HERC2: variants seen among roughly 807,000 people sequenced by gnomAD.
HERC2 encodes E3 ubiquitin-protein ligase HERC2.
HERC2 carries 102 observed loss-of-function variants against 537.7 expected under a neutral mutation model. The observed-to-expected ratio is 0.19, with a 90% CI of 0.16 to 0.22. HERC2 has a LOEUF of 0.22. HERC2 is among the 10% of genes least tolerant of loss of function. The pLI is 1.00. For synonymous variants in HERC2, 2,224 were observed against 2,466.2 expected (o/e 0.90, Z 2.91); for missense variants, 4,236 against 6,198.2 (o/e 0.68, Z 10.63).
chr15:28,191,100 A>G (rs763058926), intron 54 of HERC2, 39 bp downstream of exon 54: 43 of 1,593,906 alleles, frequency 2.7e-5, no homozygotes, highest in Non-Finnish European at 3.7e-5. Flanking sequence ...CGTCTTTATT[A>G]TAGAAGGTAC....
Position 28,130,185 on chromosome 15 carries a change from G to A in HERC2, c.12780C>T (p.His4260=). ...TACCATCCTCTGTGCAGCACACACA[G>A]TGCAGGGAGCCAGTGGCGATGGCGA... The part of the protein sequence containing the change: ...KVIAIATGSL[H]CVCCTEDGEV... Residue 4260 remains histidine (H), a synonymous_variant, in exon 83 of 93, where the codon CAC becomes CAT. Coordinates refer to ENST00000261609, the MANE Select transcript of HERC2 (RefSeq NM_004667.6). 3.7e-6 allele frequency: 6 copies of A among 1,614,142 alleles called. No individual in the cohort carries two copies. In the Middle Eastern group the frequency reaches 6.6e-4, roughly 178 times the overall value.
chr15:28,125,334 C>T, intron 83 of HERC2, 141 bp from the exon 84 acceptor site: 1 of 695,112 alleles, frequency 1.4e-6, no homozygotes, highest in Non-Finnish European at 2.6e-6. Context: ...TTACATATGA[C>T]CTAGACATGA....
At chr15:28,164,353 C>T (rs959094122) in intron 68 of HERC2, among the ~76,000 whole-genome samples, 12 of 152,198 alleles carry the variant, frequency 7.9e-5, no homozygotes, top group African/African-American at 2.9e-4. Context: ...GATTTAGGAA[C>T]AAGGTTCCTC....
At chr15:28,174,315 G>T in intron 65 of HERC2, 80 bp downstream of exon 65, 1 of 1,034,644 alleles carries the variant, frequency 9.7e-7, no homozygotes, top group Non-Finnish European at 1.4e-6. Context: ...ACCTCTAATT[G>T]TGTTGGCACA....
intron 8 of HERC2, 85 bp downstream of exon 8, chr15:28,272,809 C>T (rs528819609): frequency 1.8e-5 from 16 of 872,392 alleles, no homozygotes; most frequent in East Asian, 1.5e-4. Flanking sequence ...CGGTCACAAA[C>T]GATTCAGTGA....
rs568894816 is a variant in HERC2, at chr15:28,128,308, G to A, written c.12802+1855C>T. Among the ~76,000 whole-genome samples the A allele has an allele frequency of 2.0e-5, 3 of 152,304 alleles. No homozygotes were observed. The East Asian group carries it at 5.8e-4, about 29-fold the overall frequency. On this transcript the variant is annotated intron_variant, in intron 83 of 92. Transcript: ENST00000261609. ...GTGGGGGAGTGTGAACTGGCTGGCAGGACGAGCCTCCCTGTTTGTGGGAAA... is the reference window on the plus strand; with the variant it reads ...GTGGGGGAGTGTGAACTGGCTGGCAAGACGAGCCTCCCTGTTTGTGGGAAA...
At position 28,299,453 on chromosome 15, in the gene HERC2, C is replaced by G. The variant is rs75131382; in HGVS notation, c.136G>C (p.Val46Leu). The G allele has an allele frequency of 3.1e-4, 489 of 1,599,370 alleles. 1 individual carries two copies. In the African/African-American group the frequency reaches 6.1e-3, roughly 20 times the overall value. ...TGGGTTGATTCTGTTCCAGTGTATA[C>G]AATTTCTCCATCTTTAACCATTTCA... ...WNEMVKDGEI[V>L]YTGTESTQNG... The change falls in exon 3 of 93, where the codon GTA becomes CTA. Residue 46 changes from valine to leucine, a missense_variant. By Grantham distance (32) the Val-to-Leu change is conservative. Around this residue, in one of 27 missense-constraint regions of HERC2, gnomAD observed 491 missense variants for 559.3 expected, o/e 0.88. Coordinates refer to ENST00000261609, the MANE Select transcript of HERC2 (RefSeq NM_004667.6).
chr15:28,260,792 G>A lies in HERC2; in HGVS notation c.2301C>T (p.Ala767=), dbSNP rs1483524563. ...GLDTKHIVGI[A]CGPAQSFAWS... is the part of the protein sequence containing the mutation. The stretch of plus-strand genomic sequence containing the variant: ...TATTCAGTACCTGGGCAGGCCCACA[G>A]GCAATTCCCACTATGTGTTTGGTGT... Residue 767 remains alanine (A), a synonymous_variant, in exon 16 of 93, where the codon GCC becomes GCT. Transcript: ENST00000261609. The A allele has an allele frequency of 6.2e-7, 1 of 1,613,992 alleles. No individual in the cohort carries two copies. The highest frequency in any genetic ancestry group is 8.5e-7 in the Non-Finnish European group (1 of 1,179,978).
intron 2 of HERC2, among the ~76,000 whole-genome samples, chr15:28,312,373 C>T (rs377647927): frequency 0.013 from 2,022 of 151,344 alleles, 4 homozygotes; most frequent in South Asian, 0.089. Flanking sequence ...GTGGCCCACG[C>T]CGTAATCCCA....
chr15:28,256,092 C>A lies in HERC2; in HGVS notation c.2743G>T (p.Ala915Ser), dbSNP rs550587588. ...ARALSALLPC[A>S]VSGNEVNISP... The stretch of plus-strand genomic sequence containing the variant: ...CCTGTTCCTTCCCCAGGCCCACCTG[C>A]GCAGGGCAGGAGAGCAGAGAGTGCC... The change falls in exon 18 of 93, where the codon GCA (alanine) becomes TCA (serine). Residue 915 changes from alanine (A) to serine (S), a missense_variant. Coordinates refer to ENST00000261609, the MANE Select transcript of HERC2 (RefSeq NM_004667.6). 1.7e-5 allele frequency: 28 copies of A among 1,603,410 alleles called. No homozygotes were observed. Among genetic ancestry groups the A allele is most frequent in the Non-Finnish European group, 2.3e-5 (27 of 1,179,094 alleles).
intron 2 of HERC2, among the ~76,000 whole-genome samples, chr15:28,305,888 C>T (rs2076773289): frequency 6.6e-6 from 1 of 151,962 alleles, no homozygotes; most frequent in Non-Finnish European, 1.5e-5. Flanking sequence ...AGACACTTCT[C>T]AAAAGAAGAC....
chr15:28,259,730 G>A (rs1360838599), intron 16 of HERC2, among the ~76,000 whole-genome samples: 4 of 149,186 alleles, frequency 2.7e-5, no homozygotes, highest in African/African-American at 9.9e-5. Context: ...CAAGGAGGAT[G>A]GATCACTTGA....
chr15:28,159,638 C>CT (rs1449607357), intron 69 of HERC2, among the ~76,000 whole-genome samples: 7 of 152,258 alleles, frequency 4.6e-5, no homozygotes, highest in Admixed American at 2.0e-4. Flanking sequence ...TTCGTCTAAT[C>CT]TTTTTTCAAG....
Position 28,232,754 on chromosome 15 carries a change from G to A in HERC2, c.4675+392C>T, listed in dbSNP as rs528641967. Among the ~76,000 whole-genome samples the A allele has an allele frequency of 4.6e-5, 7 of 152,150 alleles. No homozygotes were observed. The East Asian group carries it at 1.3e-3, about 29-fold the overall frequency. ...TGCCTTTATAATTCTCCATGTATCA[G>A]AATACTCAATATTTCCAAACAAAAA... On this transcript the variant is annotated intron_variant, in intron 30 of 92. Coordinates refer to ENST00000261609, the MANE Select transcript of HERC2 (RefSeq NM_004667.6).
At chr15:28,112,073 A>T (rs1358599907) in intron 92 of HERC2, 38 bp from the exon 93 acceptor site, 4 of 1,599,330 alleles carry the variant, frequency 2.5e-6, no homozygotes, top group Non-Finnish European at 3.4e-6. Flanking sequence ...GAAATTGAGT[A>T]CGGCTGCAGT....
chr15:28,235,546 G>A (rs1176733765), intron 26 of HERC2, among the ~76,000 whole-genome samples: 2 of 152,154 alleles, frequency 1.3e-5, no homozygotes, highest in African/African-American at 4.8e-5. Context: ...CAAGCCTTCT[G>A]CGACACCCAC....
Position 28,124,100 on chromosome 15 carries a change from T to C in HERC2, c.13125A>G (p.Glu4375=). ...PMFDLEGSLD[E]TGLGPSVGFD... is the part of the protein sequence containing the mutation. ...ACCCAACAGAAGGCCCGAGTCCAGT[T>C]TCGTCGAGCGAGCCTTCCAGGTCGA... Residue 4375 remains glutamate, a synonymous_variant, in exon 85 of 93, where the codon GAA becomes GAG. Transcript: ENST00000261609. The C allele has an allele frequency of 6.2e-7, 1 of 1,608,336 alleles. No individual in the cohort carries two copies. Among genetic ancestry groups the C allele is most frequent in the Non-Finnish European group, 8.5e-7 (1 of 1,177,334 alleles).
At chr15:28,119,517 G>T (rs1430802368) in intron 86 of HERC2, among the ~76,000 whole-genome samples, 2 of 147,248 alleles carry the variant, frequency 1.4e-5, no homozygotes, top group African/African-American at 5.0e-5. Context: ...ACGCTGGTAT[G>T]ATCTCGGCTC....
At chr15:28,318,584 C>A (rs1329394830) in intron 2 of HERC2, among the ~76,000 whole-genome samples, 2 of 151,434 alleles carry the variant, frequency 1.3e-5, no homozygotes, top group African/African-American at 2.4e-5. Context: ...GATGGCACCA[C>A]TGCACTCCAG....
Sources: allele counts gnomAD v4.1 joint callset (sites outside exome capture counted in the v4.1 genomes callset), GRCh38; gene constraint gnomAD v4.1.1; regional missense constraint gnomAD v4.1.1; transcripts MANE v1.5; gene names NCBI Gene and HGNC (gene_info 2026-07-23, HGNC 2026-07-21).